EIPR1: variants seen among roughly 807,000 people sequenced by gnomAD.
EIPR1 encodes the protein EARP complex and GARP complex interacting protein 1, also known as EARP and GARP complex-interacting protein 1.
EIPR1 carries 25 observed loss-of-function variants against 48.1 expected under a neutral mutation model. The ratio of observed to expected loss-of-function variants is 0.52; its 90% confidence interval spans 0.38 to 0.73. EIPR1 has a LOEUF of 0.73. Among genes scored for constraint, EIPR1 ranks in the 30% least tolerant of loss-of-function variants. The pLI is 0.00. For missense variants in EIPR1, 415 were observed against 506.2 expected (o/e 0.82, Z 1.73); for synonymous variants, 204 against 201.9 (o/e 1.01, Z -0.09).
chr2:3,278,875 C>G (rs1667937358), intron 3 of EIPR1, among the ~76,000 whole-genome samples: 1 of 152,308 alleles, frequency 6.6e-6, no homozygotes, highest in African/African-American at 2.4e-5. Flanking sequence ...TGCCCAACCT[C>G]CCGCCAGCCC....
chr2:3,217,166 T>C (rs750343507), intron 4 of EIPR1, among the ~76,000 whole-genome samples: 15 of 152,008 alleles, frequency 9.9e-5, no homozygotes, highest in Non-Finnish European at 2.2e-4. Flanking sequence ...CAGAGCAAAA[T>C]AGATTGGGGA....
chr2:3,363,304 C>T (rs114102648), intron 1 of EIPR1, among the ~76,000 whole-genome samples: 2,158 of 151,772 alleles, frequency 0.014, 47 homozygotes, highest in African/African-American at 0.05. Flanking sequence ...AAACACAAAC[C>T]GGGAAGTATT....
intron 5 of EIPR1, among the ~76,000 whole-genome samples, chr2:3,211,066 G>A (rs1478671316): frequency 6.6e-6 from 1 of 152,116 alleles, no homozygotes; most frequent in Non-Finnish European, 1.5e-5. Flanking sequence ...CCAAACCCCT[G>A]TGACATGCAA....
intron 3 of EIPR1, among the ~76,000 whole-genome samples, chr2:3,309,968 G>A (rs1038482981): frequency 6.6e-5 from 10 of 152,136 alleles, no homozygotes; most frequent in East Asian, 3.9e-4. Context: ...GCCCGTGTAC[G>A]CACAGGGCAG....
intron 4 of EIPR1, among the ~76,000 whole-genome samples, chr2:3,229,730 T>C (rs1558237720): frequency 6.6e-6 from 1 of 152,254 alleles, no homozygotes; most frequent in Non-Finnish European, 1.5e-5. Flanking sequence ...CTTCATTTTT[T>C]GCTTTATGCG....
chr2:3,217,636 T>C (rs913359382), intron 4 of EIPR1, among the ~76,000 whole-genome samples: 3 of 152,180 alleles, frequency 2.0e-5, no homozygotes, highest in Non-Finnish European at 4.4e-5. Flanking sequence ...CACTGCAGAT[T>C]AGTGGAGAAG....
In EIPR1 at chr2:3,192,461, T is replaced by C. The variant is rs1664639218; in HGVS notation, c.942A>G (p.Val314=). Reference sequence around the variant, plus strand: ...CCTGGTCACTGATGTCATCGTCGTCTACCAAGTGGCCGAAGGGCTCCGACG... The same window carrying C: ...CCTGGTCACTGATGTCATCGTCGTCCACCAAGTGGCCGAAGGGCTCCGACG... ...SISSEPFGHL[V]DDDDISDQED... Residue 314 remains valine (V), a synonymous_variant, in exon 8 of 9, where the codon GTA becomes GTG. Coordinates refer to ENST00000382125, the MANE Select transcript of EIPR1 (RefSeq NM_003310.5). The C allele has an allele frequency of 6.2e-7, 1 of 1,613,000 alleles. No homozygotes were observed. The highest frequency in any genetic ancestry group is 8.5e-7 in the Non-Finnish European group (1 of 1,179,738).
At chr2:3,208,780 G>A (rs1012490126) in intron 5 of EIPR1, 5 of 1,548,584 alleles carry the variant, frequency 3.2e-6, no homozygotes, top group East Asian at 2.4e-5. Flanking sequence ...CTTCTTCCTT[G>A]AGTGAGGCTC....
chr2:3,300,084 T>C (rs1211567924), intron 3 of EIPR1, among the ~76,000 whole-genome samples: 4 of 152,210 alleles, frequency 2.6e-5, no homozygotes, highest in Non-Finnish European at 5.9e-5. Context: ...TTGAACCATA[T>C]GAAACTGCCA....
chr2:3,249,929 A>G (rs1374239913), intron 4 of EIPR1, among the ~76,000 whole-genome samples: 1 of 152,218 alleles, frequency 6.6e-6, no homozygotes, highest in Non-Finnish European at 1.5e-5. Flanking sequence ...TGCAGGAGTG[A>G]AAGAAGCTTG....
chr2:3,264,727 C>T (rs1158316530), intron 3 of EIPR1, among the ~76,000 whole-genome samples: 1 of 152,202 alleles, frequency 6.6e-6, no homozygotes, highest in Non-Finnish European at 1.5e-5. Flanking sequence ...CCGAGTCTCG[C>T]TCTGTCACCC....
chr2:3,319,283 T>C lies in EIPR1; in HGVS notation c.259+18734A>G, dbSNP rs577951407. The C allele has an allele frequency of 1.1e-5, 3 of 282,822 alleles. No individual in the cohort carries two copies. The South Asian group carries it at 1.1e-4, about 10-fold the overall frequency. The allele number at this position is 282,822 out of a possible 1,614,324, so 17.5% of individuals were successfully genotyped here. A position where few individuals can be genotyped will look rare whatever the true frequency, so the allele number is the denominator to read the frequency against. On this transcript the variant is annotated intron_variant, in intron 3 of 8. Coordinates refer to ENST00000382125, the MANE Select transcript of EIPR1 (RefSeq NM_003310.5). ...TCAGGTGCTCTGGAAGTGCGCTGTG[T>C]GCTCCTAATTAGCGCTGCTGGCCCG...
chr2:3,367,537 G>C (rs10189709), intron 1 of EIPR1, among the ~76,000 whole-genome samples: 113,462 of 152,064 alleles, frequency 0.75, 43,806 homozygotes, highest in Non-Finnish European at 0.86. Context: ...AAAACTCAAC[G>C]AAGAAAATAC....
At chr2:3,372,299 A>AT (rs1553307343) in intron 1 of EIPR1, among the ~76,000 whole-genome samples, 2 of 150,988 alleles carry the variant, frequency 1.3e-5, no homozygotes, top group African/African-American at 2.5e-5. Context: ...CAAAATTGAC[A>AT]CCTAACATCA....
intron 4 of EIPR1, among the ~76,000 whole-genome samples, chr2:3,256,022 A>C (rs891264117): frequency 6.6e-6 from 1 of 151,712 alleles, no homozygotes; most frequent in African/African-American, 2.4e-5. Flanking sequence ...GGACTTTGGG[A>C]CTCTTCATCT....
Position 3,247,081 on chromosome 2 carries a change from G to A in EIPR1, c.416+10218C>T, listed in dbSNP as rs1224633591. ...GGAGGGAGAGAGGGAGGGAGAGAGG[G>A]AGGGAGAGAGGGAGGGAGAGAGGGA... is the stretch of plus-strand genomic sequence containing the variant. On this transcript the variant is annotated intron_variant, in intron 4 of 8. Coordinates refer to ENST00000382125, the MANE Select transcript of EIPR1 (RefSeq NM_003310.5). 1.9e-4 allele frequency among the ~76,000 whole-genome samples: 18 copies of A among 94,206 alleles called. 1 individual carries two copies. Among genetic ancestry groups the A allele is most frequent in the Non-Finnish European group, 2.7e-4 (13 of 48,498 alleles). 61.8% of individuals were successfully genotyped at this position (94,206 alleles called of 152,430 possible).
At chr2:3,190,268 G>A (rs1424676253) in intron 8 of EIPR1, among the ~76,000 whole-genome samples, 1 of 152,160 alleles carries the variant, frequency 6.6e-6, no homozygotes, top group Admixed American at 6.6e-5. Flanking sequence ...AGGCTTCTCT[G>A]GCACTTTACT....
chr2:3,347,759 A>C (rs1216773016), intron 2 of EIPR1, among the ~76,000 whole-genome samples: 1 of 152,240 alleles, frequency 6.6e-6, no homozygotes, highest in Non-Finnish European at 1.5e-5. Flanking sequence ...TACCCTAAAA[A>C]TACAGGACCC....
At chr2:3,299,799 G>A (rs1668716030) in intron 3 of EIPR1, among the ~76,000 whole-genome samples, 10 of 152,082 alleles carry the variant, frequency 6.6e-5, no homozygotes, top group Admixed American at 5.9e-4. Flanking sequence ...TCCCTCTCTT[G>A]ACAGTCTGTA....
Sources: gnomAD v4.1 joint callset for allele counts (sites outside exome capture counted in the v4.1 genomes callset) on GRCh38, gnomAD v4.1.1 for gene constraint, MANE v1.5 for transcripts, NCBI Gene and HGNC (gene_info 2026-07-23, HGNC 2026-07-21) for gene names.